Variants in ARMCX2 observed in about 807,000 individuals in gnomAD.
ARMCX2 encodes armadillo repeat-containing X-linked protein 2.
In ARMCX2, 2 loss-of-function variants were observed where a neutral mutation model predicts 17.0. That is an observed-to-expected ratio of 0.12 (90% CI 0.05 to 0.37). The LOEUF is 0.37. ARMCX2 is among the 10% of genes least tolerant of loss of function. The pLI, the probability that ARMCX2 is intolerant of heterozygous loss-of-function variation, is 1.00. For synonymous variants in ARMCX2, 182 were observed against 195.2 expected, an observed-to-expected ratio of 0.93 and a Z score of 0.57; for missense variants, 408 against 497.7, an observed-to-expected ratio of 0.82 and a Z score of 1.72.
In ARMCX2 at chrX:101,656,896, T is replaced by C. The variant is rs782144997; in HGVS notation, c.693A>G (p.Ala231=). 5 of 1,209,958 alleles carry C rather than the reference T, an allele frequency of 4.1e-6. No individual in the cohort carries two copies. Among genetic ancestry groups the C allele is most frequent in the African/African-American group, 1.7e-5 (1 of 57,556 alleles). The change falls in exon 6 of 6, where the codon GCA becomes GCG. Residue 231 remains alanine, a synonymous_variant. Transcript: ENST00000356824. ...CAGGAGACTCTGCAGCCCCAGTAGG[T>C]GCTGCAGCCCCAGTAGGCGTTGCCG... ...PVPATPTGAA[A]PTGAAESPGT... is the part of the protein sequence containing the mutation.
Position 101,656,726 on chromosome X carries a change from C to T in ARMCX2, c.863G>A (p.Arg288Lys), listed in dbSNP as rs370491044. The T allele has an allele frequency of 2.5e-6, 3 of 1,211,632 alleles. No homozygotes were observed. The highest frequency in any genetic ancestry group is 3.4e-6 in the Non-Finnish European group (3 of 895,465). ...CTTGCCCTTGCCCCCATTCCGGGAC[C>T]TGGTTACACCCTTGCCTCCACCTTT... ...VPKGGGKGVT[R>K]SRNGGKGKGK... Residue 288 changes from arginine (R) to lysine (K), a missense_variant, in exon 6 of 6, where the codon AGG becomes AAG. Arg to Lys is a conservative substitution (Grantham distance 26). Coordinates refer to ENST00000356824, the MANE Select transcript of ARMCX2 (RefSeq NM_177949.4).
At position 101,656,882 on chromosome X, in the gene ARMCX2, G is replaced by C. The variant is rs782186827; in HGVS notation, c.707C>G (p.Ala236Gly). 8.3e-7 allele frequency: 1 copy of C among 1,211,110 alleles called. No individual in the cohort carries two copies. The highest frequency in any genetic ancestry group is 2.2e-5 in the Admixed American group (1 of 46,045). The change falls in exon 6 of 6, where the codon GCA (alanine) becomes GGA (glycine). Residue 236 changes from alanine to glycine, a missense_variant. By Grantham distance (60) the Ala-to-Gly change is moderately conservative (BLOSUM62 0). Coordinates refer to ENST00000356824, the MANE Select transcript of ARMCX2 (RefSeq NM_177949.4). ...PTGAAAPTGAAESPGTSGSPR... is the reference protein window; with the variant it reads ...PTGAAAPTGAGESPGTSGSPR... ...GGAACCAGAAGTTCCAGGAGACTCT[G>C]CAGCCCCAGTAGGTGCTGCAGCCCC...
Position 101,656,620 on chromosome X carries a change from G to GGCTGCAGCA in ARMCX2, c.960_968dup (p.Ala321_Ala323dup), listed in dbSNP as rs1936275220. 1 of 1,208,127 alleles carries GGCTGCAGCA rather than the reference G, an allele frequency of 8.3e-7. No homozygotes were observed. The highest frequency in any genetic ancestry group is 1.1e-6 in the Non-Finnish European group (1 of 894,685). ...GGAAAGCCTGTCCGCCATTAGCAGA[G>GGCTGCAGCA]GCTGCAGCAGCTGCTGCAGCCCCAT... On this transcript the variant is annotated inframe_insertion, in exon 6 of 6. Coordinates refer to ENST00000356824, the MANE Select transcript of ARMCX2 (RefSeq NM_177949.4).
At position 101,657,689 on chromosome X, in the gene ARMCX2, C is replaced by A; in HGVS notation, c.-101G>T. On this transcript the variant is annotated 5_prime_UTR_variant, in exon 6 of 6. Coordinates refer to ENST00000356824, the MANE Select transcript of ARMCX2 (RefSeq NM_177949.4). ...GGTGAGGCTCTTCAGTTTAGGCTTA[C>A]AAGTTCTGCTGAGGCTTAGGCAGGG... 1 of 886,857 alleles carries A rather than the reference C, an allele frequency of 1.1e-6. No individual in the cohort carries two copies. Among genetic ancestry groups the A allele is most frequent in the Non-Finnish European group, 1.6e-6 (1 of 627,988 alleles). 73.1% of individuals were successfully genotyped at this position (886,857 alleles called of 1,213,427 possible). A position where few individuals can be genotyped will look rare whatever the true frequency, so the allele number is the denominator to read the frequency against.
intron 5 of ARMCX2, 75 bp from the exon 6 acceptor site, chrX:101,657,790 G>A (rs5951282): frequency 0.29 from 112,288 of 386,320 alleles, 13,095 homozygotes; most frequent in Middle Eastern, 0.35. Context: ...TTAGAGAAGA[G>A]TTTAGGGACA....
chrX:101,657,650 T>A lies in ARMCX2; in HGVS notation c.-62A>T. On this transcript the variant is annotated 5_prime_UTR_variant, in exon 6 of 6. Transcript: ENST00000356824. ...AACTGGATTGCTTAAGGTTAAGGGA[T>A]GCCTGCTCGTCCGGGTGAGGCTCTT... 1 of 1,081,609 alleles carries A rather than the reference T, an allele frequency of 9.2e-7. No homozygotes were observed. Among genetic ancestry groups the A allele is most frequent in the East Asian group, 3.0e-5 (1 of 33,013 alleles). The allele number at this position is 1,081,609 out of a possible 1,213,427, so 89.1% of individuals were successfully genotyped here. A position where few individuals can be genotyped will look rare whatever the true frequency, so the allele number is the denominator to read the frequency against.
intron 2 of ARMCX2, 30 bp downstream of exon 2, chrX:101,659,389 A>C (rs1936521244): frequency 9.6e-6 from 1 of 104,297 alleles, no homozygotes; most frequent in African/African-American, 3.6e-5. Context: ...TGCATGCCCC[A>C]CCCCCGCCTC....
chrX:101,657,138 C>T lies in ARMCX2; in HGVS notation c.451G>A (p.Ala151Thr), dbSNP rs782200250. The part of the protein sequence containing the change: ...PPPGVTEALG[A>T]AEAPAMAGAP... ...CCTGCCATTGCAGGGGCTTCTGCAG[C>T]CCCAAGGGCCTCTGTCACCCCGGGA... The change falls in exon 6 of 6, where the codon GCT becomes ACT. Residue 151 changes from alanine to threonine, a missense_variant. This residue lies in a region of ARMCX2 where 307 missense variants were observed against 326.8 expected (regional missense o/e 0.94). Coordinates refer to ENST00000356824, the MANE Select transcript of ARMCX2 (RefSeq NM_177949.4). 2.2e-5 allele frequency: 26 copies of T among 1,186,792 alleles called. No individual in the cohort carries two copies. The highest frequency in any genetic ancestry group is 3.0e-5 in the East Asian group (1 of 33,448).
rs12394707 is a variant in ARMCX2, at chrX:101,656,482, G to A, written c.1107C>T (p.Ala369=). ...QRRGRGRRPV[A]MQKRPFPYEI... ...CATAAGGAAAGGGGCGCTTCTGCATGGCAACGGGTCTTCTTCCCCTCCCTC... is the reference window on the plus strand; with the variant it reads ...CATAAGGAAAGGGGCGCTTCTGCATAGCAACGGGTCTTCTTCCCCTCCCTC... Residue 369 remains alanine, a synonymous_variant, in exon 6 of 6, where the codon GCC becomes GCT. Transcript: ENST00000356824. 3,924 of 1,208,142 alleles carry A rather than the reference G, an allele frequency of 3.2e-3. 93 individuals are homozygous for A. In the African/African-American group the frequency reaches 0.062, roughly 19 times the overall value.
At chrX:101,658,864 G>C (rs1206368569) in intron 3 of ARMCX2, among the ~76,000 whole-genome samples, 1 of 111,126 alleles carries the variant, frequency 9.0e-6, no homozygotes, top group Non-Finnish European at 1.9e-5. Context: ...CGGTATGGGG[G>C]ACTCCTGCCA....
At position 101,657,246 on chromosome X, in the gene ARMCX2, C is replaced by T. The variant is rs782469676; in HGVS notation, c.343G>A (p.Ala115Thr). The T allele has an allele frequency of 8.3e-7, 1 of 1,206,217 alleles. No individual in the cohort carries two copies. The highest frequency in any genetic ancestry group is 1.1e-6 in the Non-Finnish European group (1 of 891,167). Residue 115 changes from alanine to threonine, a missense_variant, in exon 6 of 6, where the codon GCC (alanine) becomes ACC (threonine). Physicochemically the swap from Ala to Thr is moderately conservative, Grantham distance 58 (BLOSUM62 0). Transcript: ENST00000356824. Reference protein sequence around the residue: ...AEAQSGAGSQAQEADGAGVGP... With the variant: ...AEAQSGAGSQTQEADGAGVGP... ...ACCCCGGCTCCATCTGCCTCTTGGG[C>T]CTGACTGCCTGCCCCACTCTGAGCC...
chrX:101,657,363 G>A lies in ARMCX2; in HGVS notation c.226C>T (p.Arg76Cys), dbSNP rs369714767. ...TGGGCCCTGTCCTCTGCTTCAGCAC[G>A]GACTGGGGTTGGGGGACTGAATCCT... ...GSGFSPPTPV[R>C]AEAEDRAQDE... Residue 76 changes from arginine (R) to cysteine (C), a missense_variant, in exon 6 of 6, where the codon CGT becomes TGT. Physicochemically the swap from Arg to Cys is radical, Grantham distance 180. This residue lies in a region of ARMCX2 where 307 missense variants were observed against 326.8 expected (regional missense o/e 0.94). Coordinates refer to ENST00000356824, the MANE Select transcript of ARMCX2 (RefSeq NM_177949.4). The A allele has an allele frequency of 2.1e-5, 26 of 1,210,735 alleles. No individual in the cohort carries two copies. In the African/African-American group the frequency reaches 4.0e-4, roughly 19 times the overall value.
At position 101,657,065 on chromosome X, in the gene ARMCX2, G is replaced by A; in HGVS notation, c.524C>T (p.Ala175Val). 1 of 1,201,884 alleles carries A rather than the reference G, an allele frequency of 8.3e-7. No homozygotes were observed. The highest frequency in any genetic ancestry group is 1.1e-6 in the Non-Finnish European group (1 of 889,015). The change falls in exon 6 of 6, where the codon GCA becomes GTA. Residue 175 changes from alanine to valine, a missense_variant. Ala to Val is a moderately conservative substitution (Grantham distance 64). Around this residue, in one of 2 missense-constraint regions of ARMCX2, gnomAD observed 307 missense variants for 326.8 expected, o/e 0.94. Transcript: ENST00000356824. The part of the protein sequence containing the change: ...EAPREAETSR[A>V]AVPPGTVVPT... ...CACCACTGTCCCAGGAGGCACCGCT[G>A]CCCTGGAAGTCTCCGCTTCTCTGGG...
chrX:101,659,801 G>C lies in ARMCX2; in HGVS notation c.-462C>G, dbSNP rs1936554758. 1 of 111,189 alleles carries C rather than the reference G, an allele frequency of 9.0e-6. No individual in the cohort carries two copies. Among genetic ancestry groups the C allele is most frequent in the Non-Finnish European group, 1.9e-5 (1 of 53,008 alleles). 9.2% of individuals were successfully genotyped at this position (111,189 alleles called of 1,213,427 possible). A position where few individuals can be genotyped will look rare whatever the true frequency, so the allele number is the denominator to read the frequency against. ...ATTTTCTCCTCCTCCTCCTCGCCTG[G>C]GTTAAACGCACGGCAGCGAGCTGCG... On this transcript the variant is annotated 5_prime_UTR_variant, in exon 1 of 6. Coordinates refer to ENST00000356824, the MANE Select transcript of ARMCX2 (RefSeq NM_177949.4).
chrX:101,659,430 C>T lies in ARMCX2; in HGVS notation c.-347G>A, dbSNP rs1024421355. 6.4e-5 allele frequency: 7 copies of T among 110,002 alleles called. No individual in the cohort carries two copies. Among genetic ancestry groups the T allele is most frequent in the Non-Finnish European group, 9.5e-5 (5 of 52,672 alleles). The allele number at this position is 110,002 out of a possible 1,213,427, so 9.1% of individuals were successfully genotyped here. On this transcript the variant is annotated 5_prime_UTR_variant, in exon 2 of 6. Transcript: ENST00000356824. Reference sequence around the variant, plus strand: ...TACCCTTTCCCAACCTCCCTGCTGGCCTTCTATGCGCTGCCACGTTTATTT... The same window carrying T: ...TACCCTTTCCCAACCTCCCTGCTGGTCTTCTATGCGCTGCCACGTTTATTT...
Position 101,656,587 on chromosome X carries a change from C to T in ARMCX2, c.1002G>A (p.Glu334=), listed in dbSNP as rs1556056501. 4 of 1,210,935 alleles carry T rather than the reference C, an allele frequency of 3.3e-6. No individual in the cohort carries two copies. Among genetic ancestry groups the T allele is most frequent in the African/African-American group, 1.7e-5 (1 of 57,507 alleles). Residue 334 remains glutamate (E), a synonymous_variant, in exon 6 of 6, where the codon GAG becomes GAA. Transcript: ENST00000356824. ...SANGGQAFLA[E]VPDSEEGESG... ...ACTCCCCTTCCTCAGAATCAGGGAC[C>T]TCTGCCAGGAAAGCCTGTCCGCCAT...
chrX:101,657,222 C>A lies in ARMCX2; in HGVS notation c.367G>T (p.Val123Phe). The change falls in exon 6 of 6, where the codon GTT becomes TTT. Residue 123 changes from valine to phenylalanine, a missense_variant. Val to Phe is a conservative substitution (Grantham distance 50). Around this residue, in one of 2 missense-constraint regions of ARMCX2, gnomAD observed 307 missense variants for 326.8 expected, o/e 0.94. Coordinates refer to ENST00000356824, the MANE Select transcript of ARMCX2 (RefSeq NM_177949.4). ...SQAQEADGAG[V>F]GPKAESVVGA... ...ACTACTGATTCGGCCTTAGGCCCAACCCCGGCTCCATCTGCCTCTTGGGCC... is the reference window on the plus strand; with the variant it reads ...ACTACTGATTCGGCCTTAGGCCCAAACCCGGCTCCATCTGCCTCTTGGGCC... 2 of 1,199,610 alleles carry A rather than the reference C, an allele frequency of 1.7e-6. No individual in the cohort carries two copies. The highest frequency in any genetic ancestry group is 2.3e-6 in the Non-Finnish European group (2 of 887,361).
In ARMCX2 at chrX:101,656,671, T is replaced by A; in HGVS notation, c.918A>T (p.Glu306Asp). 8.3e-7 allele frequency: 1 copy of A among 1,210,728 alleles called. No homozygotes were observed. The highest frequency in any genetic ancestry group is 1.1e-6 in the Non-Finnish European group (1 of 895,224). ...CTCCAGGACGGAAGCCCATCCCCAG[T>A]TCGTCTACTTCAACTTTGCTTTTCT... ...KGKKSKVEVDELGMGFRPGDG... is the reference protein window; with the variant it reads ...KGKKSKVEVDDLGMGFRPGDG... Residue 306 changes from glutamate (E) to aspartate (D), a missense_variant, in exon 6 of 6, where the codon GAA (glutamate) becomes GAT (aspartate). By Grantham distance (45) the Glu-to-Asp change is conservative. This residue lies in a region of ARMCX2 where 307 missense variants were observed against 326.8 expected (regional missense o/e 0.94). Transcript: ENST00000356824.
chrX:101,657,211 C>T lies in ARMCX2; in HGVS notation c.378G>A (p.Lys126=). 8.4e-7 allele frequency: 1 copy of T among 1,195,760 alleles called. No homozygotes were observed. Among genetic ancestry groups the T allele is most frequent in the Non-Finnish European group, 1.1e-6 (1 of 885,203 alleles). Residue 126 remains lysine, a synonymous_variant, in exon 6 of 6, where the codon AAG becomes AAA. Transcript: ENST00000356824. ...QEADGAGVGP[K]AESVVGAAMA... ...TTGCAGCCCCAACTACTGATTCGGC[C>T]TTAGGCCCAACCCCGGCTCCATCTG...
Sources: allele counts gnomAD v4.1 joint callset (sites outside exome capture counted in the v4.1 genomes callset), GRCh38; gene constraint gnomAD v4.1.1; regional missense constraint gnomAD v4.1.1; transcripts MANE v1.5; gene names NCBI Gene and HGNC (gene_info 2026-07-23, HGNC 2026-07-21).